SUPT5H: variants seen among roughly 807,000 people sequenced by gnomAD.
SUPT5H encodes SPT5 homolog, DSIF elongation factor subunit, also known as transcription elongation factor SPT5.
In SUPT5H, 24 loss-of-function variants were observed where a neutral mutation model predicts 142.5. That is an observed-to-expected ratio of 0.17 (90% CI 0.12 to 0.24). The LOEUF is 0.24. Ranked by LOEUF, SUPT5H falls within the 10% of genes least tolerant of loss-of-function variation. The pLI is 1.00. For missense variants in SUPT5H, 893 were observed against 1,471.8 expected (o/e 0.61, Z 6.43); for synonymous variants, 546 against 553.0 (o/e 0.99, Z 0.18).
In SUPT5H at chr19:39,474,854, G is replaced by A. The variant is rs1407518130; in HGVS notation, c.3024+136G>A. The A allele has an allele frequency of 2.0e-6, 2 of 992,206 alleles. No individual in the cohort carries two copies. The highest frequency in any genetic ancestry group is 3.0e-6 in the Non-Finnish European group (2 of 675,602). The allele number at this position is 992,206 out of a possible 1,614,324, so 61.5% of individuals were successfully genotyped here. A position where few individuals can be genotyped will look rare whatever the true frequency, so the allele number is the denominator to read the frequency against. ...ATTGAGGAAGCCTAGAGGGCAAGGG[G>A]AGCTATGTGAACCCAAAGGAGGCAT... On this transcript the variant is annotated intron_variant, in intron 28 of 29. Transcript: ENST00000432763. The surrounding 1 kb of genome is among the most constrained non-coding windows in gnomAD (Gnocchi z 6.5).
Position 39,472,819 on chromosome 19 carries a change from G to A in SUPT5H, c.2045G>A (p.Gly682Asp). 1 of 1,612,864 alleles carries A rather than the reference G, an allele frequency of 6.2e-7. No individual in the cohort carries two copies. Among genetic ancestry groups the A allele is most frequent in the South Asian group, 1.1e-5 (1 of 90,930 alleles). The change falls in exon 22 of 30, where the codon GGC (glycine) becomes GAC (aspartate). Residue 682 changes from glycine (G) to aspartate (D), a missense_variant. By Grantham distance (94) the Gly-to-Asp change is moderately conservative. This residue lies in a region of SUPT5H where 35 missense variants were observed against 29.7 expected (regional missense o/e 1.18). Coordinates refer to ENST00000432763, the MANE Select transcript of SUPT5H (RefSeq NM_001111020.3). This position sits in a 1 kb window ranked among gnomAD's most constrained non-coding sequence, Gnocchi z 4.2. ...PMHPSAGGQR[G>D]GFGSPGGGSG... The stretch of plus-strand genomic sequence containing the variant: ...TCTCCCCAATCCCCAGGTCAGCGTG[G>A]CGGCTTTGGTAGCCCAGGTGGCGGC...
At chr19:39,456,478 GTGTGAT>G (rs1175868733) in intron 3 of SUPT5H, among the ~76,000 whole-genome samples, 2 of 151,086 alleles carry the variant, frequency 1.3e-5, no homozygotes, top group Non-Finnish European at 2.9e-5. Context: ...GAGTGCAGTG[GTGTGAT>G]CTTGGCTCAC....
Position 39,472,841 on chromosome 19 carries a change from C to T in SUPT5H, c.2067C>T (p.Gly689=), listed in dbSNP as rs758488739. ...GQRGGFGSPG[G]GSGGMSRGRG... is the part of the protein sequence containing the mutation. ...GTGGCGGCTTTGGTAGCCCAGGTGGCGGCAGTGGTGGCATGAGCAGGGGCC... is the reference window on the plus strand; with the variant it reads ...GTGGCGGCTTTGGTAGCCCAGGTGGTGGCAGTGGTGGCATGAGCAGGGGCC... Residue 689 remains glycine, a synonymous_variant, in exon 22 of 30, where the codon GGC becomes GGT. Coordinates refer to ENST00000432763, the MANE Select transcript of SUPT5H (RefSeq NM_001111020.3). This position sits in a 1 kb window ranked among gnomAD's most constrained non-coding sequence, Gnocchi z 4.2. 6.2e-6 allele frequency: 10 copies of T among 1,613,328 alleles called. No homozygotes were observed. The highest frequency in any genetic ancestry group is 2.7e-5 in the African/African-American group (2 of 74,918).
intron 2 of SUPT5H, among the ~76,000 whole-genome samples, chr19:39,446,706 A>C (rs1230394622): frequency 6.6e-6 from 1 of 152,232 alleles, no homozygotes; most frequent in African/African-American, 2.4e-5. Flanking sequence ...CTCTACAAAA[A>C]TATAAAAACC....
chr19:39,446,508 G>T (rs2078956079), intron 2 of SUPT5H, among the ~76,000 whole-genome samples: 1 of 152,174 alleles, frequency 6.6e-6, no homozygotes, highest in African/African-American at 2.4e-5. Context: ...GCAAAAACTT[G>T]TTGGAGGTGA....
rs1184785449 is a variant in SUPT5H, at chr19:39,476,474, A to C, written c.*75A>C. 5 of 1,574,242 alleles carry C rather than the reference A, an allele frequency of 3.2e-6. No individual in the cohort carries two copies. Among genetic ancestry groups the C allele is most frequent in the Non-Finnish European group, 4.3e-6 (5 of 1,151,806 alleles). On this transcript the variant is annotated 3_prime_UTR_variant, in exon 30 of 30. Transcript: ENST00000432763. Reference sequence around the variant, plus strand: ...TTCCCTGGCCCTTGGCTGTGACACAAGATCCTCCTGCAGGGCTAGGCGGAT... The same window carrying C: ...TTCCCTGGCCCTTGGCTGTGACACACGATCCTCCTGCAGGGCTAGGCGGAT...
rs80027112 is a variant in SUPT5H, at chr19:39,476,107, G to T, written c.3051G>T (p.Lys1017Asn). 6.2e-7 allele frequency: 1 copy of T among 1,614,134 alleles called. No individual in the cohort carries two copies. Residue 1017 changes from lysine (K) to asparagine (N), a missense_variant, in exon 29 of 30, where the codon AAG becomes AAT. Coordinates refer to ENST00000432763, the MANE Select transcript of SUPT5H (RefSeq NM_001111020.3). ...GGGGCATGTGCTCTGTGTACCTGAA[G>T]GACAGTGAGAAGGTTGTCAGCATTT... is the stretch of plus-strand genomic sequence containing the variant. ...VTGGMCSVYL[K>N]DSEKVVSISS...
At chr19:39,459,747 C>A in intron 9 of SUPT5H, 145 bp from the exon 10 acceptor site, 1 of 1,283,022 alleles carries the variant, frequency 7.8e-7, no homozygotes, top group Non-Finnish European at 1.1e-6. Context: ...GGCTATCTCC[C>A]ACCTCCATCT....
intron 18 of SUPT5H, 79 bp from the exon 19 acceptor site, chr19:39,471,278 A>C: frequency 6.5e-7 from 1 of 1,547,756 alleles, no homozygotes. Context: ...AGGAAGGATT[A>C]TCCCACTTTA....
At position 39,469,721 on chromosome 19, in the gene SUPT5H, C is replaced by T. The variant is rs774754054; in HGVS notation, c.1374+323C>T. 1.2e-4 allele frequency: 61 copies of T among 498,582 alleles called. No homozygotes were observed. The highest frequency in any genetic ancestry group is 1.8e-4 in the Non-Finnish European group (50 of 272,828). The allele number at this position is 498,582 out of a possible 1,614,324, so 30.9% of individuals were successfully genotyped here. The stretch of plus-strand genomic sequence containing the variant: ...GAGGCTTGACTTTGTTTGCTTAGAG[C>T]GGGGTGTGTGTTTGTCTGTGTCTGG... On this transcript the variant is annotated intron_variant, in intron 16 of 29. Coordinates refer to ENST00000432763, the MANE Select transcript of SUPT5H (RefSeq NM_001111020.3). The surrounding 1 kb of genome is among the most constrained non-coding windows in gnomAD (Gnocchi z 5.1).
chr19:39,469,733 TTGTC>T lies in SUPT5H; in HGVS notation c.1374+339_1374+342del, dbSNP rs1483582234. ...TGTTTGCTTAGAGCGGGGTGTGTGT[TTGTC>T]TGTGTCTGGTGTATGTCTGAGGGGT... On this transcript the variant is annotated intron_variant, in intron 16 of 29. Transcript: ENST00000432763. The surrounding 1 kb of genome is among the most constrained non-coding windows in gnomAD (Gnocchi z 5.1). 1.6e-5 allele frequency: 8 copies of T among 492,530 alleles called. No individual in the cohort carries two copies. The highest frequency in any genetic ancestry group is 2.6e-5 in the Non-Finnish European group (7 of 268,914). 30.5% of individuals were successfully genotyped at this position (492,530 alleles called of 1,614,324 possible). A position where few individuals can be genotyped will look rare whatever the true frequency, so the allele number is the denominator to read the frequency against.
At chr19:39,460,479 T>TGTAA (rs925051520) in intron 10 of SUPT5H, among the ~76,000 whole-genome samples, 8 of 152,206 alleles carry the variant, frequency 5.3e-5, no homozygotes, top group Non-Finnish European at 8.8e-5. Flanking sequence ...GGCATTCACC[T>TGTAA]GTAATACCAG....
At chr19:39,455,431 G>A (rs898993937) in intron 3 of SUPT5H, among the ~76,000 whole-genome samples, 11 of 151,528 alleles carry the variant, frequency 7.3e-5, no homozygotes, top group Admixed American at 1.3e-4. Flanking sequence ...GCGTGGTGGC[G>A]GGCGCCTGTA....
In SUPT5H at chr19:39,472,733, G is replaced by A; in HGVS notation, c.2036-77G>A. On this transcript the variant is annotated intron_variant, in intron 21 of 29. Coordinates refer to ENST00000432763, the MANE Select transcript of SUPT5H (RefSeq NM_001111020.3). The surrounding 1 kb of genome is among the most constrained non-coding windows in gnomAD (Gnocchi z 4.2). ...ACCCAAGTAGGGAGGAGTCAAGCAA[G>A]TGAAGGGGACGTTCTGATGGTGCCC... 6.5e-7 allele frequency: 1 copy of A among 1,534,910 alleles called. No individual in the cohort carries two copies. The highest frequency in any genetic ancestry group is 2.0e-5 in the Admixed American group (1 of 50,684).
chr19:39,466,431 G>T lies in SUPT5H; in HGVS notation c.877-49G>T, dbSNP rs772158957. The stretch of plus-strand genomic sequence containing the variant: ...TCTCCTGACCCTTCTTGTGTCTGGG[G>T]TCAGGGAGGAGAGTGGGGCCCTGCT... On this transcript the variant is annotated intron_variant, in intron 11 of 29. Coordinates refer to ENST00000432763, the MANE Select transcript of SUPT5H (RefSeq NM_001111020.3). This position sits in a 1 kb window ranked among gnomAD's most constrained non-coding sequence, Gnocchi z 4.3. 3.9e-6 allele frequency: 6 copies of T among 1,548,728 alleles called. No homozygotes were observed. The highest frequency in any genetic ancestry group is 5.3e-6 in the Non-Finnish European group (6 of 1,122,262).
chr19:39,475,408 G>C (rs1449308359), intron 28 of SUPT5H, among the ~76,000 whole-genome samples: 2 of 111,902 alleles, frequency 1.8e-5, no homozygotes, highest in Non-Finnish European at 3.6e-5. Flanking sequence ...AAAAAAAAAT[G>C]GTGAGTGATG....
At position 39,469,571 on chromosome 19, in the gene SUPT5H, G is replaced by A. The variant is rs151217488; in HGVS notation, c.1374+173G>A. Reference sequence around the variant, plus strand: ...CTCTGTCTGAGTGCAGCTCAGGGTCGGTGGGCAGCAGGCCTGCCTGGTGGT... The same window carrying A: ...CTCTGTCTGAGTGCAGCTCAGGGTCAGTGGGCAGCAGGCCTGCCTGGTGGT... On this transcript the variant is annotated intron_variant, in intron 16 of 29. Coordinates refer to ENST00000432763, the MANE Select transcript of SUPT5H (RefSeq NM_001111020.3). The surrounding 1 kb of genome is among the most constrained non-coding windows in gnomAD (Gnocchi z 5.1). The A allele has an allele frequency of 2.0e-5, 18 of 910,176 alleles. No homozygotes were observed. The highest frequency in any genetic ancestry group is 3.3e-4 in the Middle Eastern group (1 of 3,020). 56.4% of individuals were successfully genotyped at this position (910,176 alleles called of 1,614,324 possible). A position where few individuals can be genotyped will look rare whatever the true frequency, so the allele number is the denominator to read the frequency against.
rs1178854615 is a variant in SUPT5H, at chr19:39,458,557, C to T, written c.319+252C>T. 1.3e-6 allele frequency: 1 copy of T among 767,470 alleles called. No individual in the cohort carries two copies. The highest frequency in any genetic ancestry group is 1.8e-5 in the South Asian group (1 of 56,234). 47.5% of individuals were successfully genotyped at this position (767,470 alleles called of 1,614,324 possible). A position where few individuals can be genotyped will look rare whatever the true frequency, so the allele number is the denominator to read the frequency against. ...TGGTAGCGATGTGTGGGGTGGGGTGCAGTCCAGGGTGTGCCTGGACTTTGA... is the reference window on the plus strand; with the variant it reads ...TGGTAGCGATGTGTGGGGTGGGGTGTAGTCCAGGGTGTGCCTGGACTTTGA... On this transcript the variant is annotated intron_variant, in intron 5 of 29. Coordinates refer to ENST00000432763, the MANE Select transcript of SUPT5H (RefSeq NM_001111020.3). The surrounding 1 kb of genome is among the most constrained non-coding windows in gnomAD (Gnocchi z 4.2).
Position 39,473,196 on chromosome 19 carries a change from TC to T in SUPT5H, c.2259-3del. 1.2e-6 allele frequency: 2 copies of T among 1,611,726 alleles called. No individual in the cohort carries two copies. The highest frequency in any genetic ancestry group is 2.2e-5 in the East Asian group (1 of 44,864). On this transcript the variant is annotated splice_region_variant and splice_polypyrimidine_tract_variant and intron_variant, in intron 23 of 29. Transcript: ENST00000432763. This position sits in a 1 kb window ranked among gnomAD's most constrained non-coding sequence, Gnocchi z 5.8. Reference sequence around the variant, plus strand: ...CTGCTCACCCCATTTGTTCTCTGCGTCCCCAGGGGCTCACGGCGCCCGGGCG... The same window carrying T: ...CTGCTCACCCCATTTGTTCTCTGCGTCCCAGGGGCTCACGGCGCCCGGGCG...
Sources: gnomAD v4.1 joint callset for allele counts (sites outside exome capture counted in the v4.1 genomes callset) on GRCh38, gnomAD v4.1.1 for gene constraint, gnomAD v4.1.1 regional missense constraint, Gnocchi (gnomAD v3.1) non-coding constraint, MANE v1.5 for transcripts, NCBI Gene and HGNC (gene_info 2026-07-23, HGNC 2026-07-21) for gene names.